The following E2F4 variants were observed in gnomAD, a reference collection of about 807,000 sequenced individuals.
E2F4 encodes E2F transcription factor 4, also known as transcription factor E2F4.
A neutral mutation model predicts 44.5 loss-of-function variants in E2F4; 16 were observed. The observed-to-expected ratio is 0.36, with a 90% confidence interval of 0.24 to 0.55. E2F4 has a LOEUF of 0.55. Ranked by LOEUF, E2F4 falls within the 20% of genes least tolerant of loss-of-function variation. The pLI is 0.87. For synonymous variants in E2F4, 242 were observed against 207.2 expected (o/e 1.17, Z -1.44); for missense variants, 473 against 522.1 (o/e 0.91, Z 0.92).
chr16:67,194,861 A>G lies in E2F4; in HGVS notation c.689A>G (p.Lys230Arg). 6.2e-7 allele frequency: 1 copy of G among 1,614,168 alleles called. No individual in the cohort carries two copies. Among genetic ancestry groups the G allele is most frequent in the Non-Finnish European group, 8.5e-7 (1 of 1,180,020 alleles). Residue 230 changes from lysine to arginine, a missense_variant, in exon 6 of 10, where the codon AAG (lysine) becomes AGG (arginine). Transcript: ENST00000379378. Reference protein sequence around the residue: ...SAVSTPPPLPKPALAQSQEAS... With the variant: ...SAVSTPPPLPRPALAQSQEAS... Reference sequence around the variant, plus strand: ...GTTTCTACACCTCCACCTCTGCCCAAGCCTGCCCTAGCCCAGTCCCAGGAA... The same window carrying G: ...GTTTCTACACCTCCACCTCTGCCCAGGCCTGCCCTAGCCCAGTCCCAGGAA...
Position 67,195,777 on chromosome 16 carries a change from T to C in E2F4, c.809-5T>C, listed in dbSNP as rs2032956824. 6.2e-7 allele frequency: 1 copy of C among 1,613,996 alleles called. No individual in the cohort carries two copies. Among genetic ancestry groups the C allele is most frequent in the Admixed American group, 1.7e-5 (1 of 60,010 alleles). ...TATGACTGGGTTTGGGGGCTATCAT[T>C]GTAGTGAGTGGCGGCCCTGGGACTG... is the stretch of plus-strand genomic sequence containing the variant. On this transcript the variant is annotated splice_polypyrimidine_tract_variant and splice_region_variant and intron_variant, in intron 6 of 9. Coordinates refer to ENST00000379378, the MANE Select transcript of E2F4 (RefSeq NM_001950.4).
intron 7 of E2F4, 148 bp downstream of exon 7, chr16:67,196,154 G>A: frequency 1.6e-6 from 2 of 1,216,788 alleles, no homozygotes; most frequent in South Asian, 1.4e-5. Context: ...GGTCAGTGCT[G>A]GTGCCCCCTC....
At chr16:67,196,693 T>A (rs2032975137) in intron 7 of E2F4, among the ~76,000 whole-genome samples, 1 of 152,206 alleles carries the variant, frequency 6.6e-6, no homozygotes, top group African/African-American at 2.4e-5. Context: ...CCACCTGCCG[T>A]CCTGTGTACA....
intron 9 of E2F4, 33 bp from the exon 10 acceptor site, chr16:67,197,975 T>G (rs762462600): frequency 4.3e-5 from 69 of 1,613,892 alleles, no homozygotes; most frequent in Admixed American, 3.3e-4. Flanking sequence ...AGGGGAGCCC[T>G]GGCCCAGGGC....
chr16:67,198,134 C>G lies in E2F4; in HGVS notation c.*11C>G, dbSNP rs1232717527. On this transcript the variant is annotated 3_prime_UTR_variant, in exon 10 of 10. Transcript: ENST00000379378. ...GTTCTCAACCTCTGACTGACAGGGACATGCCCTGTGTGGCTGGGACCCAGA... is the reference window on the plus strand; with the variant it reads ...GTTCTCAACCTCTGACTGACAGGGAGATGCCCTGTGTGGCTGGGACCCAGA... The G allele has an allele frequency of 6.2e-7, 1 of 1,606,124 alleles. No individual in the cohort carries two copies. Among genetic ancestry groups the G allele is most frequent in the African/African-American group, 1.3e-5 (1 of 74,890 alleles).
intron 3 of E2F4, 65 bp from the exon 4 acceptor site, chr16:67,193,407 G>A: frequency 6.3e-7 from 1 of 1,593,494 alleles, no homozygotes; most frequent in South Asian, 1.1e-5. Flanking sequence ...CTAAAGAATT[G>A]GGTCTTTTCT....
At chr16:67,197,031 A>G (rs2032980272) in intron 7 of E2F4, among the ~76,000 whole-genome samples, 1 of 152,194 alleles carries the variant, frequency 6.6e-6, no homozygotes, top group Non-Finnish European at 1.5e-5. Flanking sequence ...CTGACAGAAA[A>G]ATGTGGCATT....
chr16:67,193,075 C>A lies in E2F4; in HGVS notation c.312C>A (p.Ile104=), dbSNP rs781307077. The part of the protein sequence containing the change: ...ADKLIELKAE[I]EELQQREQEL... ...AACTGATTGAGCTCAAGGCAGAGAT[C>A]GAGGAGCTGCAGCAGCGGGAGCAAG... Residue 104 remains isoleucine (I), a synonymous_variant, in exon 3 of 10, where the codon ATC becomes ATA. Transcript: ENST00000379378. 2 of 1,569,658 alleles carry A rather than the reference C, an allele frequency of 1.3e-6. No homozygotes were observed. Among genetic ancestry groups the A allele is most frequent in the Non-Finnish European group, 1.7e-6 (2 of 1,156,878 alleles).
chr16:67,193,194 G>A, intron 3 of E2F4, 24 bp downstream of exon 3: 1 of 1,553,734 alleles, frequency 6.4e-7, no homozygotes. Context: ...GGTCCCTGCT[G>A]GGGGGAGTGG....
At chr16:67,196,278 T>C (rs2032968835) in intron 7 of E2F4, among the ~76,000 whole-genome samples, 1 of 152,178 alleles carries the variant, frequency 6.6e-6, no homozygotes. Flanking sequence ...CTCTCTCTCA[T>C]CTTCTCTGTC....
chr16:67,198,496 C>T lies in E2F4; in HGVS notation c.*373C>T. 1 of 248,886 alleles carries T rather than the reference C, an allele frequency of 4.0e-6. No individual in the cohort carries two copies. The highest frequency in any genetic ancestry group is 8.0e-6 in the Non-Finnish European group (1 of 125,712). The allele number at this position is 248,886 out of a possible 1,614,324, so 15.4% of individuals were successfully genotyped here. ...AGTGTCTTGCTTCTGCCAGCTCCTT[C>T]CCCTAGGAGGGAAGGGTGGGGTGGA... is the stretch of plus-strand genomic sequence containing the variant. On this transcript the variant is annotated 3_prime_UTR_variant, in exon 10 of 10. Coordinates refer to ENST00000379378, the MANE Select transcript of E2F4 (RefSeq NM_001950.4).
In E2F4 at chr16:67,195,854, T is replaced by C; in HGVS notation, c.881T>C (p.Leu294Pro). The C allele has an allele frequency of 1.2e-6, 2 of 1,614,082 alleles. No individual in the cohort carries two copies. Among genetic ancestry groups the C allele is most frequent in the Non-Finnish European group, 1.7e-6 (2 of 1,180,002 alleles). The part of the protein sequence containing the change: ...LSSLPLGPTT[L>P]DTRPLQSSAL... The stretch of plus-strand genomic sequence containing the variant: ...TCACTCCCACTGGGCCCAACAACAC[T>C]GGACACCCGGCCACTGCAGTCTTCT... The change falls in exon 7 of 10, where the codon CTG becomes CCG. Residue 294 changes from leucine (L) to proline (P), a missense_variant. Leu to Pro is a moderately conservative substitution (Grantham distance 98). This residue lies in a region of E2F4 where 314 missense variants were observed against 315.6 expected (regional missense o/e 0.99). Transcript: ENST00000379378.
chr16:67,193,383 G>A, intron 3 of E2F4, 89 bp from the exon 4 acceptor site: 1 of 1,556,730 alleles, frequency 6.4e-7, no homozygotes. Flanking sequence ...GAGGGCCTGT[G>A]TGTCAGACCT....
At chr16:67,193,437 C>T (rs755798896) in intron 3 of E2F4, 35 bp from the exon 4 acceptor site, 1 of 1,613,494 alleles carries the variant, frequency 6.2e-7, no homozygotes, top group South Asian at 1.1e-5. Context: ...CATCTGTCAC[C>T]ATAGGGCATC....
At chr16:67,193,978 G>C (rs759505342) in intron 4 of E2F4, 1 of 232,788 alleles carries the variant, frequency 4.3e-6, no homozygotes, top group Non-Finnish European at 8.4e-6. Context: ...TTGAACTCCT[G>C]AGCTCAAGCT....
intron 6 of E2F4, 59 bp from the exon 7 acceptor site, chr16:67,195,723 C>G (rs1423321869): frequency 6.2e-7 from 1 of 1,605,116 alleles, no homozygotes; most frequent in East Asian, 2.2e-5. Context: ...TCCAGCACAG[C>G]CAGTTTCAAC....
At chr16:67,192,392 A>G (rs753504527) in intron 1 of E2F4, 30 bp downstream of exon 1, 1 of 1,407,330 alleles carries the variant, frequency 7.1e-7, no homozygotes, top group East Asian at 2.6e-5. Flanking sequence ...GAGACAAGGG[A>G]GGCTGGTGGA....
chr16:67,193,048 C>G lies in E2F4; in HGVS notation c.285C>G (p.Asp95Glu), dbSNP rs1387745433. 1.9e-6 allele frequency: 3 copies of G among 1,571,772 alleles called. No individual in the cohort carries two copies. The highest frequency in any genetic ancestry group is 2.6e-6 in the Non-Finnish European group (3 of 1,157,742). The change falls in exon 3 of 10, where the codon GAC becomes GAG. Residue 95 changes from aspartate to glutamate, a missense_variant. This residue lies in a region of E2F4 where 119 missense variants were observed against 175.6 expected (regional missense o/e 0.68). Transcript: ENST00000379378. ...GPGCNTREIA[D>E]KLIELKAEIE... is the part of the protein sequence containing the mutation. ...GCTGCAATACCCGGGAGATTGCTGA[C>G]AAACTGATTGAGCTCAAGGCAGAGA...
In E2F4 at chr16:67,194,681, T is replaced by C. The variant is rs1251851661; in HGVS notation, c.514-5T>C. 1.2e-6 allele frequency: 2 copies of C among 1,609,822 alleles called. No homozygotes were observed. On this transcript the variant is annotated splice_polypyrimidine_tract_variant and splice_region_variant and intron_variant, in intron 5 of 9. Transcript: ENST00000379378. ...CATCTCCCATCCCTTACCACCCATCTCTAGGGTCTCAATGGGCAGAAGAAG... is the reference window on the plus strand; with the variant it reads ...CATCTCCCATCCCTTACCACCCATCCCTAGGGTCTCAATGGGCAGAAGAAG...
Sources: allele counts gnomAD v4.1 joint callset (sites outside exome capture counted in the v4.1 genomes callset), GRCh38; gene constraint gnomAD v4.1.1; regional missense constraint gnomAD v4.1.1; transcripts MANE v1.5; gene names NCBI Gene and HGNC (gene_info 2026-07-23, HGNC 2026-07-21).